The following MORN1 variants were observed in gnomAD, a reference collection of about 807,000 sequenced individuals.
The protein encoded by MORN1 is MORN repeat containing 1.
In MORN1, 67 loss-of-function variants were observed where a neutral mutation model predicts 61.9. The ratio of observed to expected loss-of-function variants is 1.08; its 90% CI spans 0.89 to 1.33. MORN1 has a LOEUF of 1.33. Among genes scored for constraint, MORN1 ranks in the 40% most tolerant of loss-of-function variants. The pLI, the probability that MORN1 is intolerant of heterozygous loss-of-function variation, is 0.00. For missense variants in MORN1, 752 were observed against 691.2 expected, an observed-to-expected ratio of 1.09 and a Z score of -0.99; for synonymous variants, 301 against 292.0, an observed-to-expected ratio of 1.03 and a Z score of -0.31.
chr1:2,336,317 G>T (rs937087604), intron 12 of MORN1, 152 bp downstream of exon 12: 6 of 701,356 alleles, frequency 8.6e-6, no homozygotes, highest in African/African-American at 3.6e-5. Context: ...TGGCTGGCGG[G>T]GGGGCTCTCT....
At position 2,334,168 on chromosome 1, in the gene MORN1, G is replaced by A. The variant is rs1164061921; in HGVS notation, c.1250+2301C>T. Among the ~76,000 whole-genome samples the A allele has an allele frequency of 6.6e-6, 1 of 152,058 alleles. No individual in the cohort carries two copies. Among genetic ancestry groups the A allele is most frequent in the Non-Finnish European group, 1.5e-5 (1 of 67,990 alleles). Reference sequence around the variant, plus strand: ...GGGGGGTTTTGGCGGGGACAGAGCTGGGGAGGTCCTGGAAGAGGTCGTGAG... The same window carrying A: ...GGGGGGTTTTGGCGGGGACAGAGCTAGGGAGGTCCTGGAAGAGGTCGTGAG... On this transcript the variant is annotated intron_variant, in intron 12 of 13. Coordinates refer to ENST00000378531, the MANE Select transcript of MORN1 (RefSeq NM_024848.3). The surrounding 1 kb of genome is among the most constrained non-coding windows in gnomAD (Gnocchi z 5.4).
At position 2,348,834 on chromosome 1, in the gene MORN1, C is replaced by T. The variant is rs377039635; in HGVS notation, c.1036+8598G>A. On this transcript the variant is annotated intron_variant, in intron 10 of 13. Coordinates refer to ENST00000378531, the MANE Select transcript of MORN1 (RefSeq NM_024848.3). ...GGGCACGCACACACACGCACGCACA[C>T]GCACACCTGCGCGGGCACGCACAGT... Among the ~76,000 whole-genome samples the T allele has an allele frequency of 7.5e-4, 115 of 152,326 alleles. No homozygotes were observed. The East Asian group carries it at 0.011, about 14-fold the overall frequency.
Position 2,334,558 on chromosome 1 carries a change from C to G in MORN1, c.1250+1911G>C, listed in dbSNP as rs1346349396. On this transcript the variant is annotated intron_variant, in intron 12 of 13. Transcript: ENST00000378531. The surrounding 1 kb of genome is among the most constrained non-coding windows in gnomAD (Gnocchi z 5.4). Reference sequence around the variant, plus strand: ...GGGAGCAGGCCTGGTTTTGGGCTGCCTGTCCCAACACGACGAGAGGGCCCT... The same window carrying G: ...GGGAGCAGGCCTGGTTTTGGGCTGCGTGTCCCAACACGACGAGAGGGCCCT... 2.6e-5 allele frequency among the ~76,000 whole-genome samples: 4 copies of G among 152,124 alleles called. No individual in the cohort carries two copies. Among genetic ancestry groups the G allele is most frequent in the African/African-American group, 9.7e-5 (4 of 41,426 alleles).
At chr1:2,360,603 G>A (rs537394071) in intron 8 of MORN1, among the ~76,000 whole-genome samples, 12 of 151,928 alleles carry the variant, frequency 7.9e-5, no homozygotes, top group African/African-American at 2.6e-4. Flanking sequence ...AAAGGGCAGA[G>A]CAGCGAAGAG....
intron 6 of MORN1, chr1:2,379,288 G>T (rs1467171616): frequency 2.6e-6 from 1 of 388,058 alleles, no homozygotes; most frequent in Non-Finnish European, 5.3e-6. Flanking sequence ...CCAGGAGAGA[G>T]AGAAGAAAGG....
intron 12 of MORN1, among the ~76,000 whole-genome samples, chr1:2,335,847 G>GCCCAGCCCAGCCCAGCC (rs1557870549): frequency 1.5e-5 from 2 of 134,828 alleles, no homozygotes; most frequent in African/African-American, 8.0e-5. Flanking sequence ...CCAGCCCAGC[G>GCCCAGCCCAGCCCAGCC]CGCAGCTGCC....
chr1:2,343,827 A>G (rs936664117), intron 10 of MORN1, among the ~76,000 whole-genome samples: 3 of 152,080 alleles, frequency 2.0e-5, no homozygotes, highest in Non-Finnish European at 4.4e-5. Context: ...TGGGGTTTGG[A>G]CTTCTTTTAG....
intron 2 of MORN1, among the ~76,000 whole-genome samples, chr1:2,389,411 G>A (rs978415985): frequency 7.9e-5 from 12 of 152,234 alleles, no homozygotes; most frequent in Non-Finnish European, 1.6e-4. Context: ...TAGGATTACA[G>A]GTGTGCCTTA....
chr1:2,354,321 T>C (rs1641713929), intron 10 of MORN1, among the ~76,000 whole-genome samples: 1 of 152,076 alleles, frequency 6.6e-6, no homozygotes. Context: ...TCCCAGCACG[T>C]TGGGAGGCTG....
In MORN1 at chr1:2,334,189, G is replaced by A. The variant is rs1407989127; in HGVS notation, c.1250+2280C>T. 3.3e-5 allele frequency among the ~76,000 whole-genome samples: 5 copies of A among 152,048 alleles called. No individual in the cohort carries two copies. Among genetic ancestry groups the A allele is most frequent in the African/African-American group, 1.2e-4 (5 of 41,396 alleles). On this transcript the variant is annotated intron_variant, in intron 12 of 13. Coordinates refer to ENST00000378531, the MANE Select transcript of MORN1 (RefSeq NM_024848.3). This position sits in a 1 kb window ranked among gnomAD's most constrained non-coding sequence, Gnocchi z 5.4. ...AGCTGGGGAGGTCCTGGAAGAGGTCGTGAGGTCGACGCCCCGGTCAGCCAC... is the reference window on the plus strand; with the variant it reads ...AGCTGGGGAGGTCCTGGAAGAGGTCATGAGGTCGACGCCCCGGTCAGCCAC...
intron 10 of MORN1, among the ~76,000 whole-genome samples, chr1:2,343,835 T>C (rs1055075115): frequency 2.0e-5 from 3 of 152,164 alleles, no homozygotes; most frequent in Non-Finnish European, 4.4e-5. Flanking sequence ...GGACTTCTTT[T>C]AGCAAAACGA....
At chr1:2,339,280 C>T (rs1446790365) in intron 10 of MORN1, among the ~76,000 whole-genome samples, 1 of 152,218 alleles carries the variant, frequency 6.6e-6, no homozygotes, top group Admixed American at 6.5e-5. Flanking sequence ...CTCCCCCTCC[C>T]TCAGGCTCTT....
intron 13 of MORN1, among the ~76,000 whole-genome samples, 191 bp from the exon 14 acceptor site, chr1:2,321,770 A>C (rs1368464699): frequency 6.6e-6 from 1 of 151,172 alleles, no homozygotes; most frequent in Non-Finnish European, 1.5e-5. Context: ...GGGGGGCTGG[A>C]CACACAGTCA....
Position 2,385,074 on chromosome 1 carries a change from C to G in MORN1, c.450-9G>C. The G allele has an allele frequency of 3.2e-6, 5 of 1,582,134 alleles. No homozygotes were observed. On this transcript the variant is annotated splice_polypyrimidine_tract_variant and intron_variant, in intron 5 of 13. Transcript: ENST00000378531. ...CGTACTTGTCACCGTTCCTGGGGGA[C>G]ACACGCACGGAGTCCACTCTCAACA...
At chr1:2,342,448 A>T (rs1641414468) in intron 10 of MORN1, among the ~76,000 whole-genome samples, 1 of 152,228 alleles carries the variant, frequency 6.6e-6, no homozygotes, top group Non-Finnish European at 1.5e-5. Context: ...AGGGGACGAG[A>T]ACAGTCTCGT....
intron 13 of MORN1, chr1:2,323,518 C>T: frequency 1.0e-6 from 1 of 985,408 alleles, no homozygotes; most frequent in Non-Finnish European, 1.2e-6. Flanking sequence ...CTGAGGTGCC[C>T]TGGCATTCGG....
In MORN1 at chr1:2,373,968, C is replaced by T. The variant is rs534221113; in HGVS notation, c.634+493G>A. 3.9e-5 allele frequency among the ~76,000 whole-genome samples: 6 copies of T among 152,350 alleles called. No homozygotes were observed. The East Asian group carries it at 9.6e-4, about 24-fold the overall frequency. On this transcript the variant is annotated intron_variant, in intron 7 of 13. Coordinates refer to ENST00000378531, the MANE Select transcript of MORN1 (RefSeq NM_024848.3). ...TGCACCTGTGTCGTGAACTTGGCCC[C>T]GAGGTTTGGATGAGTGTTGTGTCCC...
At chr1:2,339,915 G>A (rs952616975) in intron 10 of MORN1, among the ~76,000 whole-genome samples, 9 of 152,254 alleles carry the variant, frequency 5.9e-5, no homozygotes, top group South Asian at 2.1e-4. Flanking sequence ...CGTGGAGCAC[G>A]GCTTGGAATC....
intron 13 of MORN1, chr1:2,323,013 C>T (rs538961119): frequency 1.5e-4 from 149 of 985,478 alleles, no homozygotes; most frequent in Admixed American, 5.5e-4. Context: ...GATCTCCCTT[C>T]GCTCCTCACC....
Sources: allele counts gnomAD v4.1 joint callset (sites outside exome capture counted in the v4.1 genomes callset), GRCh38; gene constraint gnomAD v4.1.1; non-coding constraint Gnocchi (gnomAD v3.1); transcripts MANE v1.5; gene names NCBI Gene and HGNC (gene_info 2026-07-23, HGNC 2026-07-21).